SHISA9: variants seen among roughly 807,000 people sequenced by gnomAD.
The protein encoded by SHISA9 is protein shisa-9.
In SHISA9, 13 loss-of-function variants were observed where a neutral mutation model predicts 38.0. The observed-to-expected ratio is 0.34, with a 90% confidence interval of 0.22 to 0.54. The LOEUF is 0.54. Ranked by LOEUF, SHISA9 falls within the 20% of genes least tolerant of loss-of-function variation. The pLI, the probability that SHISA9 is intolerant of heterozygous loss-of-function variation, is 0.91. For synonymous variants in SHISA9, 275 were observed against 242.0 expected (o/e 1.14, Z -1.27); for missense variants, 538 against 575.8 (o/e 0.93, Z 0.67).
At chr16:12,933,632 C>T (rs191587770) in intron 2 of SHISA9, among the ~76,000 whole-genome samples, 13 of 152,292 alleles carry the variant, frequency 8.5e-5, no homozygotes, top group African/African-American at 3.1e-4. Flanking sequence ...ATTTAAAAAA[C>T]ATAGTTGATA....
At chr16:13,544,312 G>A in the SHISA9 span, among the ~76,000 whole-genome samples, 1 of 148,664 alleles carries the variant, frequency 6.7e-6, no homozygotes, top group Non-Finnish European at 1.5e-5. Flanking sequence ...AGCCTCAGAA[G>A]GGTAAAGTAC....
intron 3 of SHISA9, among the ~76,000 whole-genome samples, chr16:13,210,129 C>T (rs1165349345): frequency 6.6e-6 from 1 of 152,140 alleles, no homozygotes; most frequent in Non-Finnish European, 1.5e-5. Flanking sequence ...CTAAAGCTCA[C>T]TTGGTGGTTC....
chr16:12,905,444 A>C (rs911084107), intron 1 of SHISA9, among the ~76,000 whole-genome samples: 1 of 151,474 alleles, frequency 6.6e-6, no homozygotes, highest in Non-Finnish European at 1.5e-5. Context: ...TCATTTAACA[A>C]CCCCCACTCC....
chr16:12,916,939 T>G, intron 2 of SHISA9, 124 bp downstream of exon 2: 1 of 1,108,924 alleles, frequency 9.0e-7, no homozygotes, highest in Non-Finnish European at 1.2e-6. Context: ...TTAGAAGCTT[T>G]CTTTCATGTC....
At chr16:13,295,183 C>A in the SHISA9 span, among the ~76,000 whole-genome samples, 1 of 152,120 alleles carries the variant, frequency 6.6e-6, no homozygotes, top group Non-Finnish European at 1.5e-5. Context: ...TGCATTGAAC[C>A]ATTCAAGTTT....
intron 2 of SHISA9, among the ~76,000 whole-genome samples, chr16:13,178,149 G>GC (rs2050747368): frequency 6.6e-6 from 1 of 152,190 alleles, no homozygotes. Context: ...AGACAAAGGA[G>GC]CTAGGGTATT....
intron 2 of SHISA9, among the ~76,000 whole-genome samples, chr16:13,176,554 A>G (rs1350472539): frequency 2.6e-5 from 4 of 152,218 alleles, no homozygotes; most frequent in Non-Finnish European, 5.9e-5. Context: ...GACACTGGGA[A>G]GTCCAGCCCA....
At chr16:13,469,637 G>C in the SHISA9 span, among the ~76,000 whole-genome samples, 1 of 152,134 alleles carries the variant, frequency 6.6e-6, no homozygotes, top group Middle Eastern at 3.2e-3. Context: ...TTGCCCCTTG[G>C]AGACAGAGGC....
At chr16:13,413,467 C>T in the SHISA9 span, among the ~76,000 whole-genome samples, 1 of 152,094 alleles carries the variant, frequency 6.6e-6, no homozygotes, top group Admixed American at 6.5e-5. Context: ...GGTAAATTTG[C>T]AGTGTTGGCC....
At chr16:13,443,649 G>A in the SHISA9 span, among the ~76,000 whole-genome samples, 4 of 152,030 alleles carry the variant, frequency 2.6e-5, no homozygotes, top group African/African-American at 9.7e-5. Context: ...TTTTTATTTA[G>A]TTTATAGGGG....
intron 2 of SHISA9, among the ~76,000 whole-genome samples, chr16:12,968,189 CAAA>C (rs200194973): frequency 2.3e-4 from 19 of 82,028 alleles, no homozygotes; most frequent in African/African-American, 6.9e-4. Context: ...GGCTCCATCT[CAAA>C]AAAAAAAAAA....
the SHISA9 span, among the ~76,000 whole-genome samples, chr16:13,367,352 C>T: frequency 1.3e-5 from 2 of 148,310 alleles, no homozygotes; most frequent in Non-Finnish European, 3.0e-5. Context: ...GGGAAGATGC[C>T]ACCCACGGGT....
chr16:13,122,607 G>A (rs1269280364), intron 2 of SHISA9, among the ~76,000 whole-genome samples: 1 of 152,206 alleles, frequency 6.6e-6, no homozygotes, highest in Non-Finnish European at 1.5e-5. Flanking sequence ...AAACAGGCAA[G>A]CATAATTATT....
intron 2 of SHISA9, among the ~76,000 whole-genome samples, chr16:13,083,903 A>G (rs1293066589): frequency 2.6e-5 from 4 of 152,174 alleles, no homozygotes; most frequent in African/African-American, 7.2e-5. Context: ...CCACCACACC[A>G]TGATGGATAC....
chr16:13,414,798 A>AT, the SHISA9 span, among the ~76,000 whole-genome samples: 1 of 151,650 alleles, frequency 6.6e-6, no homozygotes, highest in Non-Finnish European at 1.5e-5. Context: ...CGTCTGGCTA[A>AT]TTTTTTGTAT....
At chr16:12,961,943 T>TGGCCAGAA (rs377002328) in intron 2 of SHISA9, among the ~76,000 whole-genome samples, 1 of 152,278 alleles carries the variant, frequency 6.6e-6, no homozygotes, top group East Asian at 1.9e-4. Flanking sequence ...GAGAACCAAG[T>TGGCCAGAA]GGCCAGAACC....
chr16:12,981,745 C>T (rs555776381), intron 2 of SHISA9, among the ~76,000 whole-genome samples: 10 of 152,128 alleles, frequency 6.6e-5, no homozygotes, highest in African/African-American at 2.4e-4. Flanking sequence ...GGGTCTTTAA[C>T]GAGGTAATTA....
chr16:12,980,606 TA>T, intron 2 of SHISA9, among the ~76,000 whole-genome samples: 1 of 152,034 alleles, frequency 6.6e-6, no homozygotes, highest in Non-Finnish European at 1.5e-5. Flanking sequence ...GGAACTTTTT[TA>T]AAATCTGAGA....
chr16:13,055,947 G>T (rs2073304936), intron 2 of SHISA9, among the ~76,000 whole-genome samples: 1 of 152,208 alleles, frequency 6.6e-6, no homozygotes, highest in Non-Finnish European at 1.5e-5. Flanking sequence ...CCAGCTAGAT[G>T]CACAGACTGT....
Sources: allele counts gnomAD v4.1 joint callset (sites outside exome capture counted in the v4.1 genomes callset), GRCh38; gene constraint gnomAD v4.1.1; transcripts MANE v1.5; gene names NCBI Gene and HGNC (gene_info 2026-07-23, HGNC 2026-07-21).